JMJD1C: variants seen among roughly 807,000 people sequenced by gnomAD.
JMJD1C encodes jumonji domain containing 1C.
In JMJD1C, 31 loss-of-function variants were observed where a neutral mutation model predicts 245.3. That is an observed-to-expected ratio of 0.13 (90% CI 0.09 to 0.17). JMJD1C has a LOEUF of 0.17. JMJD1C is among the 10% of genes least tolerant of loss of function. The pLI, the probability that JMJD1C is intolerant of heterozygous loss-of-function variation, is 1.00. For synonymous variants in JMJD1C, 1,057 were observed against 1,017.4 expected (o/e 1.04, Z -0.74); for missense variants, 2,691 against 3,000.2 (o/e 0.90, Z 2.41).
rs59018554 is a variant in JMJD1C, at chr10:63,319,255, T to TAA, written c.334-54493_334-54492dup. On this transcript the variant is annotated intron_variant, in intron 2 of 25. Transcript: ENST00000399262. ...CTGGGCGACAGAGCGAGACTCCATC[T>TAA]AAAAAAAAAAAAAAAAAAAAAAAGC... Among the ~76,000 whole-genome samples the TAA allele has an allele frequency of 7.1e-3, 611 of 85,778 alleles. 2 individuals carry two copies. Among genetic ancestry groups the TAA allele is most frequent in the African/African-American group, 0.013 (303 of 24,000 alleles). The allele number at this position is 85,778 out of a possible 152,430, so 56.3% of individuals were successfully genotyped here. A position where few individuals can be genotyped will look rare whatever the true frequency, so the allele number is the denominator to read the frequency against.
intron 17 of JMJD1C, among the ~76,000 whole-genome samples, chr10:63,190,101 T>C (rs1844596594): frequency 6.6e-6 from 1 of 151,352 alleles, no homozygotes; most frequent in African/African-American, 2.4e-5. Context: ...TTTCACCATG[T>C]TGTTGGCCAG....
intron 1 of JMJD1C, among the ~76,000 whole-genome samples, chr10:63,452,564 C>T (rs542005340): frequency 6.6e-6 from 1 of 152,270 alleles, no homozygotes; most frequent in South Asian, 2.1e-4. Flanking sequence ...TATGATCCAG[C>T]AATTCCAATT....
chr10:63,337,388 G>C (rs547857112), intron 2 of JMJD1C, among the ~76,000 whole-genome samples: 2 of 141,060 alleles, frequency 1.4e-5, no homozygotes, highest in Non-Finnish European at 3.0e-5. Context: ...CTTGCAGTGA[G>C]CCGAGGTCTT....
At chr10:63,313,759 A>G (rs1320288014) in intron 2 of JMJD1C, among the ~76,000 whole-genome samples, 1 of 152,122 alleles carries the variant, frequency 6.6e-6, no homozygotes, top group Non-Finnish European at 1.5e-5. Flanking sequence ...AGAATTGTCT[A>G]TTCATGTCCT....
chr10:63,505,316 CAAAAA>C (rs145038480), intron 1 of JMJD1C, among the ~76,000 whole-genome samples: 2 of 57,322 alleles, frequency 3.5e-5, no homozygotes, highest in African/African-American at 6.2e-5. Context: ...GAGTCCGTCT[CAAAAA>C]AAAAAAAAAA....
At chr10:63,327,564 C>T (rs1257117935) in intron 2 of JMJD1C, among the ~76,000 whole-genome samples, 1 of 152,068 alleles carries the variant, frequency 6.6e-6, no homozygotes, top group African/African-American at 2.4e-5. Context: ...CACAAAGTTA[C>T]GAGAAGATGT....
chr10:63,284,606 G>A (rs1400783881), intron 2 of JMJD1C, among the ~76,000 whole-genome samples: 1 of 152,086 alleles, frequency 6.6e-6, no homozygotes, highest in Non-Finnish European at 1.5e-5. Flanking sequence ...CAAGAGTTAA[G>A]TTCCTATGGC....
chr10:63,322,544 G>C (rs1170898099), intron 2 of JMJD1C, among the ~76,000 whole-genome samples: 4 of 152,102 alleles, frequency 2.6e-5, no homozygotes, highest in Non-Finnish European at 5.9e-5. Context: ...GCCAGGCACG[G>C]TGGCTCACAC....
chr10:63,214,574 A>C lies in JMJD1C; in HGVS notation c.1593T>G (p.Leu531=). 1 of 1,614,052 alleles carries C rather than the reference A, an allele frequency of 6.2e-7. No homozygotes were observed. The highest frequency in any genetic ancestry group is 8.5e-7 in the Non-Finnish European group (1 of 1,179,948). ...VAQENSSTFG[L]QTLQKMDPNV... The stretch of plus-strand genomic sequence containing the variant: ...TAGGATCCATTTTCTGAAGTGTCTG[A>C]AGGCCAAAGGTACTTGAGTTTTCCT... The change falls in exon 8 of 26, where the codon CTT becomes CTG. Residue 531 remains leucine, a synonymous_variant. Coordinates refer to ENST00000399262, the MANE Select transcript of JMJD1C (RefSeq NM_032776.3).
intron 11 of JMJD1C, among the ~76,000 whole-genome samples, chr10:63,200,250 G>A (rs1440907092): frequency 6.6e-6 from 1 of 152,116 alleles, no homozygotes; most frequent in Non-Finnish European, 1.5e-5. Flanking sequence ...TCTCAGAACA[G>A]AAAGGTCATA....
intron 3 of JMJD1C, among the ~76,000 whole-genome samples, chr10:63,234,581 TA>T (rs1432631466): frequency 1.3e-5 from 2 of 149,612 alleles, no homozygotes; most frequent in African/African-American, 4.9e-5. Flanking sequence ...TGTTAATACT[TA>T]AATTTTTAGA....
intron 24 of JMJD1C, among the ~76,000 whole-genome samples, chr10:63,174,457 A>C (rs1842685726): frequency 6.6e-6 from 1 of 152,240 alleles, no homozygotes; most frequent in Non-Finnish European, 1.5e-5. Flanking sequence ...CCAAATTTAC[A>C]GCATACTCAT....
intron 3 of JMJD1C, among the ~76,000 whole-genome samples, chr10:63,247,759 T>C (rs1046030925): frequency 6.6e-6 from 1 of 150,612 alleles, no homozygotes; most frequent in Non-Finnish European, 1.5e-5. Flanking sequence ...CCTTGCATCT[T>C]TTCCCATTTC....
At chr10:63,204,455 G>A (rs1846368971) in intron 10 of JMJD1C, 1 of 985,274 alleles carries the variant, frequency 1.0e-6, no homozygotes, top group Non-Finnish European at 1.2e-6. Context: ...CTTCACAAGA[G>A]TTTTCTAGGC....
At chr10:63,367,812 A>T (rs1268376022) in intron 2 of JMJD1C, among the ~76,000 whole-genome samples, 1 of 152,218 alleles carries the variant, frequency 6.6e-6, no homozygotes, top group Non-Finnish European at 1.5e-5. Context: ...TACTGGAAAG[A>T]CATAACAACA....
rs912681879 is a variant in JMJD1C at position 63,465,832 on chromosome 10, G to T, written c.-170C>A. 1.3e-6 allele frequency: 1 copy of T among 760,892 alleles called. No individual in the cohort carries two copies. Among genetic ancestry groups the T allele is most frequent in the South Asian group, 1.5e-5 (1 of 67,850 alleles). 47.1% of individuals were successfully genotyped at this position (760,892 alleles called of 1,614,324 possible). On this transcript the variant is annotated 5_prime_UTR_variant, in exon 1 of 26. Transcript: ENST00000399262. ...GCTCTGCCCCGGACACAGCGACCTC[G>T]GGCCCTCCCCGCAAACACTCCTTTG...
chr10:63,292,144 A>AGTTTTTTTTTTTTT (rs1858835101), intron 2 of JMJD1C, among the ~76,000 whole-genome samples: 2 of 56,326 alleles, frequency 3.6e-5, no homozygotes, highest in Admixed American at 2.2e-4. Flanking sequence ...GTAGAGACAG[A>AGTTTTTTTTTTTTT]TTTTTTTTTT....
intron 11 of JMJD1C, 102 bp downstream of exon 11, chr10:63,200,374 G>T: frequency 2.4e-6 from 2 of 817,024 alleles, no homozygotes; most frequent in East Asian, 2.6e-5. Flanking sequence ...GAGACTCAAA[G>T]ACTTACTCCC....
chr10:63,519,687 T>C (rs962635341), intron 1 of JMJD1C, among the ~76,000 whole-genome samples: 1 of 151,986 alleles, frequency 6.6e-6, no homozygotes, highest in Admixed American at 6.6e-5. Flanking sequence ...CACTGAAAAA[T>C]GAGAGTTCTG....
Sources: allele counts gnomAD v4.1 joint callset (sites outside exome capture counted in the v4.1 genomes callset), GRCh38; gene constraint gnomAD v4.1.1; transcripts MANE v1.5; gene names NCBI Gene and HGNC (gene_info 2026-07-23, HGNC 2026-07-21).